Variants in LACTB observed in about 807,000 individuals in gnomAD.
LACTB encodes the protein serine beta-lactamase-like protein LACTB, mitochondrial.
Under a neutral mutation model 50.2 loss-of-function variants are expected in LACTB, and 35 were observed. The observed-to-expected ratio is 0.70, with a 90% CI of 0.53 to 0.92. The LOEUF (loss-of-function observed/expected upper bound fraction) is 0.92, where lower values mean the gene tolerates loss of function less well. Ranked by LOEUF, LACTB falls within the 40% of genes least tolerant of loss-of-function variation. The pLI is 0.00. For synonymous variants in LACTB, 252 were observed against 268.2 expected (o/e 0.94, Z 0.59); for missense variants, 664 against 691.8 (o/e 0.96, Z 0.45).
intron 2 of LACTB, among the ~76,000 whole-genome samples, chr15:63,125,147 C>T (rs1340762384): frequency 6.7e-6 from 1 of 150,006 alleles, no homozygotes; most frequent in Non-Finnish European, 1.5e-5. Flanking sequence ...ATAGCGACAC[C>T]TGTGTCTCTA....
chr15:63,136,250 C>G lies in LACTB; in HGVS notation c.1119-5030C>G, dbSNP rs555442771. ...TAGAGATGAGATCTTGCTGTGTTTC[C>G]CAGGCTGATCTCCTGACCTCAAATG... On this transcript the variant is annotated intron_variant, in intron 5 of 5. Coordinates refer to ENST00000261893, the MANE Select transcript of LACTB (RefSeq NM_032857.5). Among the ~76,000 whole-genome samples, 4 of 152,186 alleles carry G rather than the reference C, an allele frequency of 2.6e-5. No individual in the cohort carries two copies. The East Asian group carries it at 7.7e-4, about 29-fold the overall frequency.
intron 1 of LACTB, 99 bp downstream of exon 1, chr15:63,122,327 C>A: frequency 9.6e-7 from 1 of 1,043,290 alleles, no homozygotes; most frequent in Non-Finnish European, 1.3e-6. Context: ...CGGCGGGGTG[C>A]CCGCGATCGG....
At chr15:63,141,176 C>G (rs1386663978) in intron 5 of LACTB, 104 bp from the exon 6 acceptor site, 1 of 1,447,418 alleles carries the variant, frequency 6.9e-7, no homozygotes, top group East Asian at 2.5e-5. Context: ...AATGTATGAT[C>G]ATTACATTGA....
intron 5 of LACTB, among the ~76,000 whole-genome samples, chr15:63,136,914 A>G (rs1159956754): frequency 1.3e-5 from 2 of 152,058 alleles, no homozygotes; most frequent in Non-Finnish European, 1.5e-5. Flanking sequence ...AGGAGTAAAT[A>G]TTTCTCTTCT....
chr15:63,137,325 G>A (rs1191292950), intron 5 of LACTB, among the ~76,000 whole-genome samples: 4 of 152,154 alleles, frequency 2.6e-5, no homozygotes, highest in African/African-American at 7.2e-5. Flanking sequence ...CTCAGTCAAT[G>A]CCTCGGCTTA....
In LACTB at chr15:63,121,910, C is replaced by T; in HGVS notation, c.39C>T (p.Ala13=). ...TGTCAGCAGTGACTGCCCGGGCTGC[C>T]GCCCCCGGGGGCTTGGCCTCAAGCT... The part of the protein sequence containing the change: ...RLMSAVTARA[A]APGGLASSCG... Residue 13 remains alanine, a synonymous_variant, in exon 1 of 6, where the codon GCC becomes GCT. Transcript: ENST00000261893. 1 of 1,419,424 alleles carries T rather than the reference C, an allele frequency of 7.0e-7. No homozygotes were observed. The highest frequency in any genetic ancestry group is 1.6e-5 in the South Asian group (1 of 64,404). The allele number at this position is 1,419,424 out of a possible 1,614,324, so 87.9% of individuals were successfully genotyped here.
Position 63,127,484 on chromosome 15 carries a change from G to T in LACTB, c.747G>T (p.Glu249Asp). 6.2e-7 allele frequency: 1 copy of T among 1,613,406 alleles called. No homozygotes were observed. The highest frequency in any genetic ancestry group is 8.5e-7 in the Non-Finnish European group (1 of 1,179,618). Residue 249 changes from glutamate (E) to aspartate (D), a missense_variant, in exon 4 of 6, where the codon GAG becomes GAT. Glu to Asp is a conservative substitution (Grantham distance 45). Transcript: ENST00000261893. ...LKMMKENVAFEQEKEGKSNEK... is the reference protein window; with the variant it reads ...LKMMKENVAFDQEKEGKSNEK... ...TGATGAAAGAGAATGTTGCATTTGA[G>T]CAAGAAAAAGAAGGCAAAAGTAATG... is the stretch of plus-strand genomic sequence containing the variant.
At chr15:63,125,176 T>TTA (rs1317779247) in intron 2 of LACTB, among the ~76,000 whole-genome samples, 1,551 of 34,000 alleles carry the variant, frequency 0.046, 29 homozygotes, top group African/African-American at 0.093. Context: ...ATTTTATTTA[T>TTA]TTATTTTTTT....
chr15:63,122,439 G>A lies in LACTB; in HGVS notation c.358-197G>A, dbSNP rs977918875. 1.7e-4 allele frequency: 116 copies of A among 677,370 alleles called. 1 individual carries two copies. The highest frequency in any genetic ancestry group is 2.5e-4 in the Non-Finnish European group (97 of 391,660). The allele number at this position is 677,370 out of a possible 1,614,324, so 42.0% of individuals were successfully genotyped here. ...GAGGTCACCGCCTGTCTCGGGGACC[G>A]CCCCTTCCCCCTAGGGGGCGGACAG... On this transcript the variant is annotated intron_variant, in intron 1 of 5. Coordinates refer to ENST00000261893, the MANE Select transcript of LACTB (RefSeq NM_032857.5).
In LACTB at chr15:63,127,109, A is replaced by G. The variant is rs2037063726; in HGVS notation, c.615+60A>G. 4.8e-6 allele frequency: 6 copies of G among 1,237,800 alleles called. No homozygotes were observed. In the South Asian group the frequency reaches 6.2e-5, roughly 13 times the overall value. 76.7% of individuals were successfully genotyped at this position (1,237,800 alleles called of 1,614,324 possible). On this transcript the variant is annotated intron_variant, in intron 3 of 5. Coordinates refer to ENST00000261893, the MANE Select transcript of LACTB (RefSeq NM_032857.5). The stretch of plus-strand genomic sequence containing the variant: ...TGTTAAATGGTTTATGCTGGAATTT[A>G]TATTTAAAATGTTTCATAGGATTCT...
intron 5 of LACTB, among the ~76,000 whole-genome samples, chr15:63,140,683 GC>G (rs2037219895): frequency 6.6e-6 from 1 of 151,936 alleles, no homozygotes; most frequent in Non-Finnish European, 1.5e-5. Flanking sequence ...GTCTTGCTTT[GC>G]TGCCCAGGCT....
chr15:63,133,774 A>T (rs1389362060), intron 5 of LACTB, among the ~76,000 whole-genome samples: 1 of 152,204 alleles, frequency 6.6e-6, no homozygotes, highest in Non-Finnish European at 1.5e-5. Context: ...AAAAACACAC[A>T]TGGAAGTATT....
chr15:63,141,506 AAC>A lies in LACTB; in HGVS notation c.1349_1350del (p.Thr450ArgfsTer6). 6.2e-7 allele frequency: 1 copy of A among 1,614,238 alleles called. No individual in the cohort carries two copies. Among genetic ancestry groups the A allele is most frequent in the Non-Finnish European group, 8.5e-7 (1 of 1,180,044 alleles). ...TMVMMWTPVPNTEMSWDKEGK... is the reference protein window; with the variant it reads ...TMVMMWTPVPXTEMSWDKEGK... The stretch of plus-strand genomic sequence containing the variant: ...GGTTATGATGTGGACCCCAGTCCCT[AAC>A]ACAGAGATGTCTTGGGATAAAGAGG... On this transcript the variant is annotated frameshift_variant, in exon 6 of 6. Coordinates refer to ENST00000261893, the MANE Select transcript of LACTB (RefSeq NM_032857.5). LOFTEE classifies it high-confidence loss of function.
rs761135479 is a variant in LACTB at position 63,141,325 on chromosome 15, C to T, written c.1164C>T (p.Tyr388=). 1.2e-5 allele frequency: 19 copies of T among 1,613,854 alleles called. No homozygotes were observed. Among genetic ancestry groups the T allele is most frequent in the South Asian group, 5.5e-5 (5 of 91,074 alleles). The stretch of plus-strand genomic sequence containing the variant: ...AGAAACGTCTTGTCAACACACCTTA[C>T]GTGGATAACTCCTATAAATGGGCTG... ...NKKKRLVNTP[Y]VDNSYKWAGG... Residue 388 remains tyrosine (Y), a synonymous_variant, in exon 6 of 6, where the codon TAC becomes TAT. Transcript: ENST00000261893.
chr15:63,138,893 A>C (rs2037199418), intron 5 of LACTB, among the ~76,000 whole-genome samples: 2 of 151,200 alleles, frequency 1.3e-5, no homozygotes, highest in South Asian at 4.2e-4. Flanking sequence ...TACTATATAT[A>C]TATATTAGCT....
chr15:63,122,608 C>G (rs748698530), intron 1 of LACTB, 28 bp from the exon 2 acceptor site: 1 of 1,582,530 alleles, frequency 6.3e-7, no homozygotes, highest in South Asian at 1.1e-5. Flanking sequence ...AGGCCCGTAA[C>G]TGTCGGTTCT....
chr15:63,123,261 G>A (rs2037002081), intron 2 of LACTB, among the ~76,000 whole-genome samples: 1 of 152,206 alleles, frequency 6.6e-6, no homozygotes, highest in Non-Finnish European at 1.5e-5. Context: ...CCACAGATAA[G>A]GGGTAACTAC....
chr15:63,122,525 G>T (rs183109285), intron 1 of LACTB, 111 bp from the exon 2 acceptor site: 374,933 of 874,986 alleles, frequency 0.43, 87,363 homozygotes, highest in Non-Finnish European at 0.51. Context: ...GGGCCCAGGT[G>T]GAGGGGGCGG....
intron 2 of LACTB, among the ~76,000 whole-genome samples, chr15:63,125,399 C>T (rs1361108177): frequency 1.3e-5 from 2 of 151,930 alleles, no homozygotes; most frequent in African/African-American, 4.8e-5. Context: ...AACTCCCGAC[C>T]TCAGGTGATG....
Sources: allele counts gnomAD v4.1 joint callset (sites outside exome capture counted in the v4.1 genomes callset), GRCh38; gene constraint gnomAD v4.1.1; transcripts MANE v1.5; gene names NCBI Gene and HGNC (gene_info 2026-07-23, HGNC 2026-07-21).